The following CBFA2T3 variants were observed in gnomAD, a reference collection of about 807,000 sequenced individuals.
The protein encoded by CBFA2T3 is transcriptional corepressor CBFA2T3.
CBFA2T3 carries 31 observed loss-of-function variants against 58.6 expected under a neutral mutation model. The observed-to-expected ratio is 0.53, with a 90% CI of 0.40 to 0.71. The LOEUF (loss-of-function observed/expected upper bound fraction) is 0.71. CBFA2T3 is among the 30% of genes least tolerant of loss of function. CBFA2T3 has a pLI of 0.00. For synonymous variants in CBFA2T3, 531 were observed against 421.9 expected (o/e 1.26, Z -3.17); for missense variants, 1,076 against 963.1 (o/e 1.12, Z -1.55).
chr16:88,904,403 A>C (rs559178778), intron 1 of CBFA2T3, among the ~76,000 whole-genome samples: 1 of 151,934 alleles, frequency 6.6e-6, no homozygotes, highest in African/African-American at 2.4e-5. Flanking sequence ...CATCTACCCA[A>C]GGTCACACCG....
intron 2 of CBFA2T3, among the ~76,000 whole-genome samples, chr16:88,901,027 G>A (rs1446602629): frequency 2.0e-5 from 3 of 152,264 alleles, no homozygotes; most frequent in Non-Finnish European, 4.4e-5. Context: ...CAAGGCCAGA[G>A]CTGCCTCTGT....
chr16:88,911,336 T>C (rs1027620045), intron 1 of CBFA2T3, among the ~76,000 whole-genome samples: 1 of 152,248 alleles, frequency 6.6e-6, no homozygotes, highest in African/African-American at 2.4e-5. Flanking sequence ...CTGTGTGAAC[T>C]GACTGTGAAC....
At chr16:88,911,361 G>A (rs965549408) in intron 1 of CBFA2T3, among the ~76,000 whole-genome samples, 3 of 152,236 alleles carry the variant, frequency 2.0e-5, no homozygotes, top group East Asian at 3.9e-4. Context: ...GGTGGGGGCC[G>A]TCCCCAAATG....
intron 1 of CBFA2T3, among the ~76,000 whole-genome samples, chr16:88,964,317 G>A (rs1305706382): frequency 6.8e-6 from 1 of 147,278 alleles, no homozygotes; most frequent in African/African-American, 2.7e-5. Flanking sequence ...GGAAACCACA[G>A]ACCCAAAGGT....
chr16:88,902,817 G>T (rs748028333), intron 1 of CBFA2T3, among the ~76,000 whole-genome samples: 2 of 152,050 alleles, frequency 1.3e-5, no homozygotes, highest in African/African-American at 2.4e-5. Flanking sequence ...GCTGAATACC[G>T]GACTGCCCCG....
chr16:88,875,111 C>T lies in CBFA2T3; in HGVS notation c.*1865G>A, dbSNP rs368079462. The T allele has an allele frequency of 1.2e-4, 28 of 235,204 alleles. No homozygotes were observed. In the South Asian group the frequency reaches 1.6e-3, roughly 14 times the overall value. 14.6% of individuals were successfully genotyped at this position (235,204 alleles called of 1,614,324 possible). Reference sequence around the variant, plus strand: ...CGCACAGATGCCAGGCCACGGGCCACGCCACACACACAGATGCCAGGCCAC... The same window carrying T: ...CGCACAGATGCCAGGCCACGGGCCATGCCACACACACAGATGCCAGGCCAC... On this transcript the variant is annotated 3_prime_UTR_variant, in exon 12 of 12. Transcript: ENST00000268679.
chr16:88,881,961 A>G (rs554336488), intron 8 of CBFA2T3, among the ~76,000 whole-genome samples: 11 of 152,362 alleles, frequency 7.2e-5, no homozygotes, highest in African/African-American at 2.6e-4. Flanking sequence ...TCCTGCCTCA[A>G]AGAGGCCTCG....
intron 1 of CBFA2T3, among the ~76,000 whole-genome samples, chr16:88,906,265 A>C (rs1970329398): frequency 6.6e-6 from 1 of 151,612 alleles, no homozygotes; most frequent in Non-Finnish European, 1.5e-5. Context: ...CTGGCTTCCC[A>C]CCCCATTCCC....
chr16:88,914,610 G>C (rs1483849720), intron 1 of CBFA2T3, among the ~76,000 whole-genome samples: 1 of 152,218 alleles, frequency 6.6e-6, no homozygotes, highest in African/African-American at 2.4e-5. Flanking sequence ...GGGTGAGTCT[G>C]GGCCTGTCCT....
At position 88,881,495 on chromosome 16, in the gene CBFA2T3, G is replaced by A. The variant is rs767994473; in HGVS notation, c.1204-6C>T. 5.6e-6 allele frequency: 9 copies of A among 1,597,978 alleles called. No individual in the cohort carries two copies. The highest frequency in any genetic ancestry group is 1.3e-5 in the African/African-American group (1 of 74,588). On this transcript the variant is annotated splice_polypyrimidine_tract_variant and splice_region_variant and intron_variant, in intron 8 of 11. Transcript: ENST00000268679. Reference sequence around the variant, plus strand: ...TCCATGATGCAGTTCAGGAGCTGGGGGCGGGCGGCGCAGCCTTCAGCACCT... The same window carrying A: ...TCCATGATGCAGTTCAGGAGCTGGGAGCGGGCGGCGCAGCCTTCAGCACCT...
chr16:88,897,968 G>A (rs962202551), intron 3 of CBFA2T3, 110 bp downstream of exon 3: 80 of 805,656 alleles, frequency 9.9e-5, no homozygotes, highest in African/African-American at 1.0e-4. Context: ...CTGAGGGTGC[G>A]GAGGCCGGGG....
intron 1 of CBFA2T3, among the ~76,000 whole-genome samples, chr16:88,921,605 A>AG (rs558464050): frequency 3.8e-5 from 2 of 53,142 alleles, no homozygotes; most frequent in African/African-American, 6.8e-5. Context: ...TGGGGGAGGG[A>AG]GGGGGGGCGG....
chr16:88,947,128 G>C (rs771697392), intron 1 of CBFA2T3, among the ~76,000 whole-genome samples: 7 of 152,238 alleles, frequency 4.6e-5, no homozygotes, highest in Non-Finnish European at 8.8e-5. Context: ...TTCATCGGTT[G>C]TAACGAATGT....
In CBFA2T3 at chr16:88,885,824, C is replaced by T; in HGVS notation, c.893+137G>A. The T allele has an allele frequency of 2.7e-6, 2 of 750,144 alleles. No homozygotes were observed. The highest frequency in any genetic ancestry group is 2.7e-5 in the East Asian group (1 of 36,976). 46.5% of individuals were successfully genotyped at this position (750,144 alleles called of 1,614,324 possible). On this transcript the variant is annotated intron_variant, in intron 6 of 11. Coordinates refer to ENST00000268679, the MANE Select transcript of CBFA2T3 (RefSeq NM_005187.6). The surrounding 1 kb of genome is among the most constrained non-coding windows in gnomAD (Gnocchi z 5.3). ...AGCCTGCTGGCCCTAGTACACCTCGCCACGCTCCCTCAGCCCGAGAGAGCC... is the reference window on the plus strand; with the variant it reads ...AGCCTGCTGGCCCTAGTACACCTCGTCACGCTCCCTCAGCCCGAGAGAGCC...
chr16:88,903,817 C>A (rs1027014051), intron 1 of CBFA2T3, among the ~76,000 whole-genome samples: 2 of 152,030 alleles, frequency 1.3e-5, no homozygotes, highest in East Asian at 3.9e-4. Context: ...CAGGCTGGCT[C>A]GGGGGACACA....
intron 1 of CBFA2T3, among the ~76,000 whole-genome samples, chr16:88,918,753 C>T (rs1258873459): frequency 6.6e-6 from 1 of 152,208 alleles, no homozygotes; most frequent in African/African-American, 2.4e-5. Flanking sequence ...GGCAGGTCAC[C>T]CACATGGCCC....
In CBFA2T3 at chr16:88,881,506, C is replaced by T. The variant is rs1173164248; in HGVS notation, c.1204-17G>A. On this transcript the variant is annotated splice_polypyrimidine_tract_variant and intron_variant, in intron 8 of 11. Transcript: ENST00000268679. ...GTTCAGGAGCTGGGGGCGGGCGGCG[C>T]AGCCTTCAGCACCTCAGAGGGACCG... 1 of 1,594,738 alleles carries T rather than the reference C, an allele frequency of 6.3e-7. No homozygotes were observed.
intron 1 of CBFA2T3, among the ~76,000 whole-genome samples, chr16:88,962,324 A>G (rs1197503777): frequency 2.0e-5 from 3 of 152,232 alleles, no homozygotes; most frequent in African/African-American, 4.8e-5. Context: ...TTTTACTTTT[A>G]CAAAAGCATC....
chr16:88,880,650 C>A, intron 10 of CBFA2T3, 70 bp downstream of exon 10: 2 of 1,283,598 alleles, frequency 1.6e-6, no homozygotes, highest in Non-Finnish European at 2.2e-6. Flanking sequence ...AAAGCTGAGC[C>A]GGTGAGAGGC....
Sources: gnomAD v4.1 joint callset for allele counts (sites outside exome capture counted in the v4.1 genomes callset) on GRCh38, gnomAD v4.1.1 for gene constraint, Gnocchi (gnomAD v3.1) non-coding constraint, MANE v1.5 for transcripts, NCBI Gene and HGNC (gene_info 2026-07-23, HGNC 2026-07-21) for gene names.